PHACTR1: variants seen among roughly 807,000 people sequenced by gnomAD.
The protein encoded by PHACTR1 is phosphatase and actin regulator 1.
In PHACTR1, 16 loss-of-function variants were observed where a neutral mutation model predicts 69.2. That is an observed-to-expected ratio of 0.23 (90% CI 0.16 to 0.35). The LOEUF is 0.35. Ranked by LOEUF, PHACTR1 falls within the 10% of genes least tolerant of loss-of-function variation. The pLI, the probability that PHACTR1 is intolerant of heterozygous loss-of-function variation, is 1.00. For synonymous variants in PHACTR1, 312 were observed against 284.5 expected (o/e 1.10, Z -0.97); for missense variants, 510 against 734.7 (o/e 0.69, Z 3.54).
At chr6:12,863,499 A>G (rs533604070) in intron 4 of PHACTR1, among the ~76,000 whole-genome samples, 2 of 152,358 alleles carry the variant, frequency 1.3e-5, no homozygotes, top group East Asian at 3.9e-4. Flanking sequence ...CATTCAGTCC[A>G]TAATACTGTA....
At chr6:12,900,661 G>A (rs1450033286) in intron 4 of PHACTR1, among the ~76,000 whole-genome samples, 1 of 152,192 alleles carries the variant, frequency 6.6e-6, no homozygotes, top group Non-Finnish European at 1.5e-5. Context: ...TTGTGCCATT[G>A]TACTCCAGCC....
intron 4 of PHACTR1, among the ~76,000 whole-genome samples, chr6:12,967,669 T>C (rs1286100252): frequency 1.3e-5 from 2 of 152,160 alleles, no homozygotes; most frequent in Non-Finnish European, 2.9e-5. Context: ...CTTTGATCTC[T>C]TCTTAAACTT....
At chr6:13,287,001 G>C in intron 14 of PHACTR1, 62 bp from the exon 15 acceptor site, 2 of 1,569,852 alleles carry the variant, frequency 1.3e-6, no homozygotes, top group South Asian at 1.2e-5. Context: ...TGGGAGATTG[G>C]ACTGTTGAAT....
intron 4 of PHACTR1, among the ~76,000 whole-genome samples, chr6:12,845,437 C>G (rs991581336): frequency 1.5e-5 from 1 of 64,822 alleles, no homozygotes; most frequent in Non-Finnish European, 3.8e-5. Flanking sequence ...CCACCCCCCC[C>G]CCCCCCGCCC....
chr6:12,759,099 G>A (rs1468549781), intron 4 of PHACTR1, among the ~76,000 whole-genome samples: 1 of 146,350 alleles, frequency 6.8e-6, no homozygotes. Flanking sequence ...ACTCCAGCTG[G>A]GTGAAGAAGC....
At chr6:12,796,435 T>C (rs1773012833) in intron 4 of PHACTR1, among the ~76,000 whole-genome samples, 1 of 152,250 alleles carries the variant, frequency 6.6e-6, no homozygotes, top group Admixed American at 6.5e-5. Context: ...GTTAACTGAA[T>C]ATCAGCATAG....
At position 13,283,702 on chromosome 6, in the gene PHACTR1, A is replaced by C. The variant is rs965626751; in HGVS notation, c.1650+140A>C. 6 of 1,247,428 alleles carry C rather than the reference A, an allele frequency of 4.8e-6. No individual in the cohort carries two copies. The highest frequency in any genetic ancestry group is 6.8e-6 in the Non-Finnish European group (6 of 879,696). 77.3% of individuals were successfully genotyped at this position (1,247,428 alleles called of 1,614,324 possible). A position where few individuals can be genotyped will look rare whatever the true frequency, so the allele number is the denominator to read the frequency against. Reference sequence around the variant, plus strand: ...CATAATGGAGTGTTGAGACCCCAACACCTTTCCCCAGGGGCCACAGATAAT... The same window carrying C: ...CATAATGGAGTGTTGAGACCCCAACCCCTTTCCCCAGGGGCCACAGATAAT... On this transcript the variant is annotated intron_variant, in intron 13 of 14. Transcript: ENST00000332995. This position sits in a 1 kb window ranked among gnomAD's most constrained non-coding sequence, Gnocchi z 4.7.
chr6:13,211,139 C>T (rs532956046), intron 8 of PHACTR1, among the ~76,000 whole-genome samples: 1 of 151,946 alleles, frequency 6.6e-6, no homozygotes, highest in South Asian at 2.1e-4. Flanking sequence ...TTATTTCAAT[C>T]GTTTTTGGGA....
chr6:13,264,392 C>T (rs879429299), intron 10 of PHACTR1, among the ~76,000 whole-genome samples: 14 of 152,136 alleles, frequency 9.2e-5, no homozygotes, highest in Non-Finnish European at 2.1e-4. Context: ...TGGATTATTT[C>T]CATTAAACAT....
intron 4 of PHACTR1, among the ~76,000 whole-genome samples, chr6:13,022,879 T>C (rs1801172832): frequency 6.6e-6 from 1 of 151,876 alleles, no homozygotes; most frequent in Non-Finnish European, 1.5e-5. Context: ...TAGCCAGGTG[T>C]GGTGGTGCAT....
At chr6:13,273,948 C>T (rs1218865026) in intron 11 of PHACTR1, 1 of 141,830 alleles carries the variant, frequency 7.1e-6, no homozygotes, top group Non-Finnish European at 1.5e-5. Flanking sequence ...CACATGCAAC[C>T]GCAGTGTGAG....
At chr6:12,843,249 C>G (rs1446998937) in intron 4 of PHACTR1, among the ~76,000 whole-genome samples, 2 of 152,204 alleles carry the variant, frequency 1.3e-5, no homozygotes, top group African/African-American at 2.4e-5. Flanking sequence ...AGGACTTTAG[C>G]TCCGGAGGTT....
At chr6:13,044,395 A>G (rs1307334706) in intron 4 of PHACTR1, among the ~76,000 whole-genome samples, 1 of 152,190 alleles carries the variant, frequency 6.6e-6, no homozygotes, top group Non-Finnish European at 1.5e-5. Flanking sequence ...GTAATCTGCA[A>G]TCCCAGTTGA....
chr6:12,911,664 G>GT, intron 4 of PHACTR1, among the ~76,000 whole-genome samples: 1 of 151,830 alleles, frequency 6.6e-6, no homozygotes, highest in South Asian at 2.1e-4. Context: ...ATGATTTTTT[G>GT]TTTAAAAAAA....
At chr6:12,823,184 T>G (rs531974949) in intron 4 of PHACTR1, among the ~76,000 whole-genome samples, 2 of 152,208 alleles carry the variant, frequency 1.3e-5, no homozygotes, top group African/African-American at 4.8e-5. Flanking sequence ...CGTGCTTAGA[T>G]TTCTACATCT....
intron 5 of PHACTR1, among the ~76,000 whole-genome samples, chr6:13,070,187 A>C (rs2127771375): frequency 6.6e-6 from 1 of 152,296 alleles, no homozygotes; most frequent in Middle Eastern, 3.4e-3. Context: ...GTCGAATTAC[A>C]GTTGTGTCCT....
chr6:13,116,463 C>G (rs1817835984), intron 5 of PHACTR1, among the ~76,000 whole-genome samples: 1 of 152,280 alleles, frequency 6.6e-6, no homozygotes, highest in Middle Eastern at 3.4e-3. Context: ...CATTCCCATG[C>G]ATTAAGTCAT....
chr6:12,811,983 C>CT (rs377662070), intron 4 of PHACTR1, among the ~76,000 whole-genome samples: 1,582 of 145,766 alleles, frequency 0.011, 25 homozygotes, highest in African/African-American at 0.034. Context: ...GCAAGAGCTA[C>CT]TTTTTTTTTT....
At chr6:12,800,795 G>T (rs1161457505) in intron 4 of PHACTR1, among the ~76,000 whole-genome samples, 1 of 151,960 alleles carries the variant, frequency 6.6e-6, no homozygotes, top group Admixed American at 6.6e-5. Flanking sequence ...GGCTGAGGTC[G>T]GAGGATCACC....
Sources: gnomAD v4.1 joint callset for allele counts (sites outside exome capture counted in the v4.1 genomes callset) on GRCh38, gnomAD v4.1.1 for gene constraint, Gnocchi (gnomAD v3.1) non-coding constraint, MANE v1.5 for transcripts, NCBI Gene and HGNC (gene_info 2026-07-23, HGNC 2026-07-21) for gene names.